RPH3A: variants seen among roughly 807,000 people sequenced by gnomAD.
RPH3A encodes rabphilin 3A.
A neutral mutation model predicts 102.2 loss-of-function variants in RPH3A; 48 were observed. The ratio of observed to expected loss-of-function variants is 0.47; its 90% CI spans 0.37 to 0.60. The LOEUF is 0.60. Ranked by LOEUF, RPH3A falls within the 20% of genes least tolerant of loss-of-function variation. The probability of loss-of-function intolerance (pLI) is 0.00; values close to 1 mark genes in which losing one functional copy is unlikely to be tolerated. For synonymous variants in RPH3A, 310 were observed against 324.3 expected (o/e 0.96, Z 0.47); for missense variants, 781 against 910.1 (o/e 0.86, Z 1.83).
At chr12:112,589,529 C>T (rs1829770865) in intron 1 of RPH3A, among the ~76,000 whole-genome samples, 1 of 152,162 alleles carries the variant, frequency 6.6e-6, no homozygotes, top group Non-Finnish European at 1.5e-5. Context: ...ATTTGCCTGG[C>T]TCTCCCATTT....
At chr12:112,896,520 T>C (rs980426928) in intron 21 of RPH3A, 130 bp from the exon 22 acceptor site, 221 of 1,033,468 alleles carry the variant, frequency 2.1e-4, no homozygotes, top group Non-Finnish European at 1.1e-4. Flanking sequence ...TTATAACAAC[T>C]CTCTATAGAG....
chr12:112,630,027 C>T (rs1049111627), intron 1 of RPH3A, among the ~76,000 whole-genome samples: 1 of 151,930 alleles, frequency 6.6e-6, no homozygotes, highest in African/African-American at 2.4e-5. Context: ...GATCTATTAC[C>T]ACTCCCTTCA....
chr12:112,795,467 G>A (rs1206343351), intron 2 of RPH3A, among the ~76,000 whole-genome samples: 1 of 152,170 alleles, frequency 6.6e-6, no homozygotes, highest in African/African-American at 2.4e-5. Flanking sequence ...GAGTGAAGGA[G>A]GTACTGCAGA....
At chr12:112,822,526 G>C (rs530193267) in intron 2 of RPH3A, among the ~76,000 whole-genome samples, 31 of 152,328 alleles carry the variant, frequency 2.0e-4, no homozygotes, top group African/African-American at 7.2e-4. Context: ...GGAGAGCCAG[G>C]GGAGAAGCAG....
chr12:112,841,369 G>T (rs2042140861), intron 4 of RPH3A, among the ~76,000 whole-genome samples: 1 of 151,958 alleles, frequency 6.6e-6, no homozygotes, highest in Non-Finnish European at 1.5e-5. Context: ...GGACCATCTG[G>T]CTGCCTTTTA....
At chr12:112,790,249 G>A (rs958523297), upstream of RPH3A, among the ~76,000 whole-genome samples, 16 of 152,028 alleles carry the variant, frequency 1.1e-4, no homozygotes, top group African/African-American at 3.6e-4. Flanking sequence ...GTAGAGATGG[G>A]GTTTCACCAT....
chr12:112,575,758 A>T (rs574744917), intron 1 of RPH3A, among the ~76,000 whole-genome samples: 15 of 152,200 alleles, frequency 9.9e-5, no homozygotes, highest in South Asian at 2.1e-4. Context: ...TTTCGAAGGG[A>T]TAGGAAGACG....
At chr12:112,634,678 T>C (rs1013337763) in intron 1 of RPH3A, among the ~76,000 whole-genome samples, 9 of 152,212 alleles carry the variant, frequency 5.9e-5, no homozygotes, top group African/African-American at 2.2e-4. Context: ...GTACACCAGA[T>C]GATTTCTGAT....
intron 2 of RPH3A, among the ~76,000 whole-genome samples, chr12:112,804,442 G>A (rs984550349): frequency 6.6e-6 from 1 of 152,224 alleles, no homozygotes; most frequent in East Asian, 1.9e-4. Flanking sequence ...CCAGAGGGTG[G>A]AAAGTTGAAA....
Position 112,741,852 on chromosome 12 carries a change from C to T in RPH3A, c.-139-50291C>T, listed in dbSNP as rs147697604. ...ACCCTAGTCCTTGCCTTTTCCTACA[C>T]ATAAGATATCATCTGATGGGGTTAG... is the stretch of plus-strand genomic sequence containing the variant. On this transcript the variant is annotated intron_variant, in intron 1 of 21. Coordinates refer to the RPH3A transcript ENST00000543106. Among the ~76,000 whole-genome samples, 735 of 152,288 alleles carry T rather than the reference C, an allele frequency of 4.8e-3. 4 individuals carry two copies. The highest frequency in any genetic ancestry group is 0.016 in the African/African-American group (660 of 41,558).
chr12:112,896,969 T>C lies in RPH3A; in HGVS notation c.*189T>C. On this transcript the variant is annotated 3_prime_UTR_variant, in exon 22 of 22. Coordinates refer to ENST00000389385, the MANE Select transcript of RPH3A (RefSeq NM_001143854.2). ...GACTCCCTCCTCCCTGATGCTGGGATGTGGGCTCTGAATACAGCCCCTCTC... is the reference window on the plus strand; with the variant it reads ...GACTCCCTCCTCCCTGATGCTGGGACGTGGGCTCTGAATACAGCCCCTCTC... 1.7e-6 allele frequency: 1 copy of C among 595,910 alleles called. No homozygotes were observed. The highest frequency in any genetic ancestry group is 2.9e-6 in the Non-Finnish European group (1 of 339,972). 36.9% of individuals were successfully genotyped at this position (595,910 alleles called of 1,614,324 possible). A position where few individuals can be genotyped will look rare whatever the true frequency, so the allele number is the denominator to read the frequency against.
chr12:112,668,931 T>G (rs1416935699), intron 1 of RPH3A, among the ~76,000 whole-genome samples: 2 of 152,178 alleles, frequency 1.3e-5, no homozygotes, highest in Non-Finnish European at 2.9e-5. Context: ...GGGTTCAGAA[T>G]AGAATACCAA....
intron 2 of RPH3A, among the ~76,000 whole-genome samples, chr12:112,809,260 A>G (rs1301709082): frequency 6.6e-6 from 1 of 152,120 alleles, no homozygotes; most frequent in Non-Finnish European, 1.5e-5. Flanking sequence ...GGAGTTCATG[A>G]GGGTTTCCTG....
At chr12:112,653,424 C>T (rs2039990399) in intron 1 of RPH3A, among the ~76,000 whole-genome samples, 1 of 150,320 alleles carries the variant, frequency 6.7e-6, no homozygotes, top group African/African-American at 2.4e-5. Context: ...AGAGAGCTTA[C>T]CAGGAATGGA....
chr12:112,825,429 T>C (rs2041850228), intron 2 of RPH3A, among the ~76,000 whole-genome samples: 1 of 152,128 alleles, frequency 6.6e-6, no homozygotes, highest in South Asian at 2.1e-4. Flanking sequence ...CTATTCAGCG[T>C]CACAGGAAAC....
At chr12:112,864,448 CA>C (rs11324677) in intron 5 of RPH3A, among the ~76,000 whole-genome samples, 31,007 of 101,688 alleles carry the variant, frequency 0.3, 2,948 homozygotes, top group East Asian at 0.59. Flanking sequence ...AAGACTCTGT[CA>C]AAAAAAAAAA....
intron 1 of RPH3A, among the ~76,000 whole-genome samples, chr12:112,670,449 T>G (rs11066378): frequency 0.017 from 2,614 of 152,258 alleles, 78 homozygotes; most frequent in African/African-American, 0.06. Flanking sequence ...TTTCTACTGA[T>G]CTCTTGAATA....
intron 1 of RPH3A, among the ~76,000 whole-genome samples, chr12:112,688,606 A>G (rs1039010677): frequency 2.0e-5 from 3 of 152,200 alleles, no homozygotes; most frequent in Non-Finnish European, 4.4e-5. Context: ...TGAATCCTGA[A>G]AAAAACCAAT....
chr12:112,794,038 A>G (rs2041179060), intron 2 of RPH3A, among the ~76,000 whole-genome samples: 1 of 152,226 alleles, frequency 6.6e-6, no homozygotes, highest in South Asian at 2.1e-4. Context: ...ACACTTCCCA[A>G]ATATCTCTCC....
Sources: allele counts gnomAD v4.1 joint callset (sites outside exome capture counted in the v4.1 genomes callset), GRCh38; gene constraint gnomAD v4.1.1; transcripts MANE v1.5; gene names NCBI Gene and HGNC (gene_info 2026-07-23, HGNC 2026-07-21).